VAV1: variants seen among roughly 807,000 people sequenced by gnomAD.
VAV1 encodes proto-oncogene vav.
A neutral mutation model predicts 128.1 loss-of-function variants in VAV1; 33 were observed. The observed-to-expected ratio is 0.26, with a 90% CI of 0.20 to 0.34. VAV1 has a LOEUF of 0.34. VAV1 is among the 10% of genes least tolerant of loss of function. The pLI is 1.00. For synonymous variants in VAV1, 394 were observed against 409.8 expected (o/e 0.96, Z 0.47); for missense variants, 715 against 1,093.7 (o/e 0.65, Z 4.88).
In VAV1 at chr19:6,799,370, A is replaced by G. The variant is rs1234167489; in HGVS notation, c.205-21332A>G. Reference sequence around the variant, plus strand: ...TTTTTAGTAAAGACAGGGTTTCACCATGTTGACCAGGCTGGTCTCGAACTC... The same window carrying G: ...TTTTTAGTAAAGACAGGGTTTCACCGTGTTGACCAGGCTGGTCTCGAACTC... On this transcript the variant is annotated intron_variant, in intron 1 of 26. Coordinates refer to ENST00000602142, the MANE Select transcript of VAV1 (RefSeq NM_005428.4). Among the ~76,000 whole-genome samples the G allele has an allele frequency of 2.0e-5, 3 of 152,036 alleles. No individual in the cohort carries two copies. In the East Asian group the frequency reaches 5.8e-4, roughly 29 times the overall value.
At chr19:6,774,057 C>A (rs1043862949) in intron 1 of VAV1, among the ~76,000 whole-genome samples, 4 of 152,078 alleles carry the variant, frequency 2.6e-5, no homozygotes, top group African/African-American at 9.7e-5. Flanking sequence ...GGGTTCCTGG[C>A]GGGTGGTTTT....
chr19:6,857,234 C>A lies in VAV1; in HGVS notation c.*127C>A. On this transcript the variant is annotated 3_prime_UTR_variant, in exon 27 of 27. Transcript: ENST00000602142. ...TTTGGGATGGACTGGAGGAGGCCAGCGTCCAGCTGGCGGTGCTCCCGGGAT... is the reference window on the plus strand; with the variant it reads ...TTTGGGATGGACTGGAGGAGGCCAGAGTCCAGCTGGCGGTGCTCCCGGGAT... 1 of 1,322,310 alleles carries A rather than the reference C, an allele frequency of 7.6e-7. No homozygotes were observed. The highest frequency in any genetic ancestry group is 1.0e-6 in the Non-Finnish European group (1 of 967,382). The allele number at this position is 1,322,310 out of a possible 1,614,324, so 81.9% of individuals were successfully genotyped here.
chr19:6,796,748 T>C (rs1370893322), intron 1 of VAV1, among the ~76,000 whole-genome samples: 7 of 152,158 alleles, frequency 4.6e-5, no homozygotes, highest in Non-Finnish European at 8.8e-5. Context: ...TCTCCATTCC[T>C]TTTCCTACTT....
intron 22 of VAV1, among the ~76,000 whole-genome samples, chr19:6,844,060 CTTCTTTTTTTTTTTTTTTTT>C (rs1972450300): frequency 5.3e-5 from 1 of 18,798 alleles, no homozygotes; most frequent in African/African-American, 1.8e-4. Flanking sequence ...TCTTCTTCTT[CTTCTTTTTTTTTTTTTTTTT>C]TTTTTTTTTT....
intron 1 of VAV1, among the ~76,000 whole-genome samples, chr19:6,807,989 C>CAAA (rs980612666): frequency 2.7e-4 from 14 of 52,242 alleles, no homozygotes; most frequent in East Asian, 6.4e-4. Flanking sequence ...GACTCTGTCT[C>CAAA]AAAAAAAAAA....
chr19:6,826,562 C>T lies in VAV1; in HGVS notation c.828-50C>T, dbSNP rs540278083. The T allele has an allele frequency of 3.5e-6, 5 of 1,443,272 alleles. No homozygotes were observed. Among genetic ancestry groups the T allele is most frequent in the Middle Eastern group, 1.7e-4 (1 of 5,786 alleles). 89.4% of individuals were successfully genotyped at this position (1,443,272 alleles called of 1,614,324 possible). On this transcript the variant is annotated intron_variant, in intron 8 of 26. Transcript: ENST00000602142. This position sits in a 1 kb window ranked among gnomAD's most constrained non-coding sequence, Gnocchi z 4.1. ...GCCAGGGCTGACGCCAGCCTCTGCC[C>T]GACCTTGATGCCAGTCACCTTTACC...
At position 6,821,941 on chromosome 19, in the gene VAV1, C is replaced by G. The variant is rs1007984750; in HGVS notation, c.449+82C>G. 5 of 1,570,676 alleles carry G rather than the reference C, an allele frequency of 3.2e-6. No homozygotes were observed. In the African/African-American group the frequency reaches 5.4e-5, roughly 17 times the overall value. ...GGGTGTGGGGGGACATGGCCTTGCC[C>G]TCCGGGAAATAAGGTCATACCCTGG... is the stretch of plus-strand genomic sequence containing the variant. On this transcript the variant is annotated intron_variant, in intron 4 of 26. Coordinates refer to ENST00000602142, the MANE Select transcript of VAV1 (RefSeq NM_005428.4).
At chr19:6,810,565 C>T (rs1971492765) in intron 1 of VAV1, among the ~76,000 whole-genome samples, 2 of 151,512 alleles carry the variant, frequency 1.3e-5, no homozygotes, top group East Asian at 2.0e-4. Flanking sequence ...ATTAGCCAGG[C>T]GTGGTGGCGG....
chr19:6,815,531 G>A (rs2144757935), intron 1 of VAV1, among the ~76,000 whole-genome samples: 1 of 152,274 alleles, frequency 6.6e-6, no homozygotes, highest in East Asian at 1.9e-4. Context: ...TAAAGTTCAT[G>A]TTCCATATGC....
chr19:6,848,032 A>G lies in VAV1; in HGVS notation c.2047A>G (p.Ser683Gly). 1 of 1,534,912 alleles carries G rather than the reference A, an allele frequency of 6.5e-7. No individual in the cohort carries two copies. The highest frequency in any genetic ancestry group is 8.7e-7 in the Non-Finnish European group (1 of 1,149,066). ...CCCCATGGAGCGGGCAGGGGCAGAG[A>G]GCATCCTGGCCAACCGCTCGGACGG... ...AGPMERAGAESILANRSDGTF... is the reference protein window; with the variant it reads ...AGPMERAGAEGILANRSDGTF... Residue 683 changes from serine (S) to glycine (G), a missense_variant, in exon 23 of 27, where the codon AGC (serine) becomes GGC (glycine). By Grantham distance (56) the Ser-to-Gly change is moderately conservative. This residue lies in a region of VAV1 where 407 missense variants were observed against 580.6 expected (regional missense o/e 0.70). Transcript: ENST00000602142.
chr19:6,776,353 T>TATCCATCCATCCATCCATCC (rs371099055), intron 1 of VAV1, among the ~76,000 whole-genome samples: 15 of 72,760 alleles, frequency 2.1e-4, no homozygotes, highest in African/African-American at 6.7e-4. Flanking sequence ...TCCACTCATC[T>TATCCATCCATCCATCCATCC]ATCCATCCAT....
At chr19:6,836,776 T>C (rs1972232854) in intron 20 of VAV1, among the ~76,000 whole-genome samples, 1 of 150,636 alleles carries the variant, frequency 6.6e-6, no homozygotes, top group Non-Finnish European at 1.5e-5. Context: ...CTCTCTGGGC[T>C]CTCCAGGCCA....
At chr19:6,839,006 G>A (rs574968236) in intron 21 of VAV1, among the ~76,000 whole-genome samples, 58 of 152,096 alleles carry the variant, frequency 3.8e-4, no homozygotes, top group African/African-American at 1.3e-3. Context: ...GGTTTCAAGC[G>A]ATTCTCCTGC....
chr19:6,784,083 G>A (rs923657355), intron 1 of VAV1: 7 of 415,956 alleles, frequency 1.7e-5, no homozygotes, highest in African/African-American at 4.1e-5. Flanking sequence ...CCAAGGTCCC[G>A]TCTCTACAAA....
At chr19:6,805,466 T>A (rs905726854) in intron 1 of VAV1, among the ~76,000 whole-genome samples, 1 of 150,510 alleles carries the variant, frequency 6.6e-6, no homozygotes, top group Admixed American at 6.7e-5. Context: ...AATAGACCAG[T>A]TGTGGTGGCT....
In VAV1 at chr19:6,777,972, T is replaced by C. The variant is rs1377075919; in HGVS notation, c.204+4961T>C. Reference sequence around the variant, plus strand: ...CCTGCCACCACGCCTGGCTAATTTCTGTTGCCCAGGCTGGAGTACAGTGGC... The same window carrying C: ...CCTGCCACCACGCCTGGCTAATTTCCGTTGCCCAGGCTGGAGTACAGTGGC... On this transcript the variant is annotated intron_variant, in intron 1 of 26. Coordinates refer to ENST00000602142, the MANE Select transcript of VAV1 (RefSeq NM_005428.4). The surrounding 1 kb of genome is among the most constrained non-coding windows in gnomAD (Gnocchi z 4.4). Among the ~76,000 whole-genome samples the C allele has an allele frequency of 6.6e-6, 1 of 152,042 alleles. No homozygotes were observed. The highest frequency in any genetic ancestry group is 1.5e-5 in the Non-Finnish European group (1 of 68,004).
chr19:6,830,877 C>T (rs1422533310), intron 14 of VAV1, among the ~76,000 whole-genome samples: 1 of 151,996 alleles, frequency 6.6e-6, no homozygotes, highest in Non-Finnish European at 1.5e-5. Context: ...TGCTTGAGCC[C>T]AGGAGTTTGA....
intron 1 of VAV1, among the ~76,000 whole-genome samples, chr19:6,805,088 G>A (rs1971362323): frequency 6.6e-6 from 1 of 151,918 alleles, no homozygotes; most frequent in African/African-American, 2.4e-5. Flanking sequence ...AAATTTCCAG[G>A]GAAGGGGTAG....
chr19:6,824,562 C>T (rs1040887685), intron 6 of VAV1, among the ~76,000 whole-genome samples: 2 of 151,836 alleles, frequency 1.3e-5, no homozygotes, highest in Non-Finnish European at 2.9e-5. Context: ...GATAGAGTCT[C>T]ACTCTGTCAC....
Sources: allele counts gnomAD v4.1 joint callset (sites outside exome capture counted in the v4.1 genomes callset), GRCh38; gene constraint gnomAD v4.1.1; regional missense constraint gnomAD v4.1.1; non-coding constraint Gnocchi (gnomAD v3.1); transcripts MANE v1.5; gene names NCBI Gene and HGNC (gene_info 2026-07-23, HGNC 2026-07-21).